ADAMTS16: variants seen among roughly 807,000 people sequenced by gnomAD.
ADAMTS16 encodes the protein ADAM metallopeptidase with thrombospondin type 1 motif 16, also known as A disintegrin and metalloproteinase with thrombospondin motifs 16.
Under a neutral mutation model 145.8 loss-of-function variants are expected in ADAMTS16, and 94 were observed. The ratio of observed to expected loss-of-function variants is 0.64; its 90% CI spans 0.55 to 0.77. The LOEUF is 0.77. Ranked by LOEUF, ADAMTS16 falls within the 30% of genes least tolerant of loss-of-function variation. The pLI is 0.00. For missense variants in ADAMTS16, 1,585 were observed against 1,591.5 expected (o/e 1.00, Z 0.07); for synonymous variants, 659 against 604.3 (o/e 1.09, Z -1.33).
intron 18 of ADAMTS16, among the ~76,000 whole-genome samples, chr5:5,300,803 C>T (rs1157449098): frequency 6.6e-6 from 1 of 152,152 alleles, no homozygotes; most frequent in African/African-American, 2.4e-5. Flanking sequence ...GTCACAGACT[C>T]CCTGGAGAAC....
In ADAMTS16 at chr5:5,187,678, G is replaced by C. The variant is rs758161459; in HGVS notation, c.964-47G>C. 4 of 1,354,006 alleles carry C rather than the reference G, an allele frequency of 3.0e-6. No homozygotes were observed. In the African/African-American group the frequency reaches 4.3e-5, roughly 15 times the overall value. 83.9% of individuals were successfully genotyped at this position (1,354,006 alleles called of 1,614,324 possible). ...TTCTAGGCCCGCTAGTAAGTAGGGG[G>C]GAAAATGCCATTTATGGGGCTGACA... is the stretch of plus-strand genomic sequence containing the variant. On this transcript the variant is annotated intron_variant, in intron 5 of 22. Transcript: ENST00000274181.
chr5:5,279,359 GCTA>G (rs1231011394), intron 18 of ADAMTS16, among the ~76,000 whole-genome samples: 2 of 152,184 alleles, frequency 1.3e-5, no homozygotes, highest in African/African-American at 2.4e-5. Context: ...ATCCACTGTG[GCTA>G]CTGAGAAGTC....
At chr5:5,210,948 G>A (rs780863906) in intron 10 of ADAMTS16, among the ~76,000 whole-genome samples, 31 of 152,072 alleles carry the variant, frequency 2.0e-4, no homozygotes, top group Non-Finnish European at 3.8e-4. Context: ...TCACTTGGTC[G>A]TAATCTATTG....
rs1314047324 is a variant in ADAMTS16, at chr5:5,234,970, G to A, written c.1851-44G>A. 4 of 1,460,140 alleles carry A rather than the reference G, an allele frequency of 2.7e-6. No homozygotes were observed. The African/African-American group carries it at 5.7e-5, about 21-fold the overall frequency. The allele number at this position is 1,460,140 out of a possible 1,614,324, so 90.4% of individuals were successfully genotyped here. A position where few individuals can be genotyped will look rare whatever the true frequency, so the allele number is the denominator to read the frequency against. On this transcript the variant is annotated intron_variant, in intron 12 of 22. Coordinates refer to ENST00000274181, the MANE Select transcript of ADAMTS16 (RefSeq NM_139056.4). The stretch of plus-strand genomic sequence containing the variant: ...AAGCCTAATTTTAAAGAATTTAGTA[G>A]CTACTAAAATATAAAAATTCTAACT...
chr5:5,240,826 T>A (rs938811185), intron 16 of ADAMTS16, among the ~76,000 whole-genome samples: 1 of 152,174 alleles, frequency 6.6e-6, no homozygotes, highest in African/African-American at 2.4e-5. Flanking sequence ...ATAAACAAAT[T>A]TATCTTGAAT....
intron 18 of ADAMTS16, among the ~76,000 whole-genome samples, chr5:5,281,615 C>T (rs565482435): frequency 1.3e-5 from 2 of 152,280 alleles, no homozygotes; most frequent in South Asian, 2.1e-4. Context: ...AGGTTATGCC[C>T]TGAGGACCAA....
chr5:5,306,794 TC>T (rs1740183139), intron 21 of ADAMTS16, 66 bp downstream of exon 21: 1 of 1,424,346 alleles, frequency 7.0e-7, no homozygotes, highest in Non-Finnish European at 9.4e-7. Flanking sequence ...GGCCGCTGGC[TC>T]CCGGGGATGC....
intron 21 of ADAMTS16, among the ~76,000 whole-genome samples, chr5:5,312,348 T>C (rs1216361523): frequency 6.6e-6 from 1 of 152,200 alleles, no homozygotes; most frequent in East Asian, 1.9e-4. Context: ...TTTGCAAGCA[T>C]GTCCTATTTT....
At position 5,253,563 on chromosome 5, in the gene ADAMTS16, C is replaced by A. The variant is rs371149542; in HGVS notation, c.2663-9094C>A. Among the ~76,000 whole-genome samples the A allele has an allele frequency of 9.8e-5, 15 of 152,302 alleles. No homozygotes were observed. The East Asian group carries it at 1.5e-3, about 16-fold the overall frequency. ...AAGCAGTTCCCAGCTTGACTTCTCC[C>A]TTTAGCTTAGTAATTTTGAGGTCCC... On this transcript the variant is annotated intron_variant, in intron 17 of 22. Transcript: ENST00000274181.
intron 18 of ADAMTS16, among the ~76,000 whole-genome samples, chr5:5,270,281 T>C (rs9313108): frequency 0.17 from 26,140 of 152,168 alleles, 2,572 homozygotes; most frequent in East Asian, 0.23. Context: ...CTGGAATTCT[T>C]TCTATGGAGT....
chr5:5,177,499 G>T (rs1164130122), intron 3 of ADAMTS16, among the ~76,000 whole-genome samples: 3 of 152,174 alleles, frequency 2.0e-5, no homozygotes, highest in Non-Finnish European at 4.4e-5. Flanking sequence ...AAATTTCTTG[G>T]AGAAAAAGGA....
chr5:5,264,781 G>GAGATGCAATC lies in ADAMTS16; in HGVS notation c.2789+2001_2789+2002insTGCAATCAGA, dbSNP rs148252859. On this transcript the variant is annotated intron_variant, in intron 18 of 22. Transcript: ENST00000274181. The stretch of plus-strand genomic sequence containing the variant: ...CACTCCCCACAATCTGCTATCAAGA[G>GAGATGCAATC]AGAATTTACACAAGAAATTAAGTGC... Among the ~76,000 whole-genome samples the GAGATGCAATC allele has an allele frequency of 2.6e-4, 39 of 151,932 alleles. 1 individual carries two copies. The highest frequency in any genetic ancestry group is 1.5e-5 in the Non-Finnish European group (1 of 67,944).
rs1304657976 is a variant in ADAMTS16 at position 5,186,191 on chromosome 5, G to A, written c.903G>A (p.Lys301=). The change falls in exon 5 of 23, where the codon AAG becomes AAA. Residue 301 remains lysine (K), a synonymous_variant. Transcript: ENST00000274181. ...AGACCTTGGTGGTGGTCGACAAAAA[G>A]ATGATGCAAAACCATGGCCATGAAA... ...NVETLVVVDK[K]MMQNHGHENI... 1.9e-6 allele frequency: 3 copies of A among 1,612,640 alleles called. No individual in the cohort carries two copies. Among genetic ancestry groups the A allele is most frequent in the Non-Finnish European group, 2.5e-6 (3 of 1,179,652 alleles).
chr5:5,171,318 G>A (rs1735036061), intron 3 of ADAMTS16, among the ~76,000 whole-genome samples: 2 of 152,112 alleles, frequency 1.3e-5, no homozygotes, highest in African/African-American at 4.8e-5. Context: ...TTGGATAACA[G>A]TGGTAAAAGT....
intron 9 of ADAMTS16, among the ~76,000 whole-genome samples, chr5:5,207,407 C>T (rs72724129): frequency 0.03 from 4,582 of 151,804 alleles, 177 homozygotes; most frequent in Admixed American, 0.1. Context: ...GCAACTTTGC[C>T]GTAACTTATT....
chr5:5,319,718 G>A lies in ADAMTS16; in HGVS notation c.*580G>A, dbSNP rs538753412. On this transcript the variant is annotated 3_prime_UTR_variant, in exon 23 of 23. Transcript: ENST00000274181. ...TTACCAGGAACCTGGAGCCACCGCCGGAGCCAGCGTCATCTCTAGGGTCAC... is the reference window on the plus strand; with the variant it reads ...TTACCAGGAACCTGGAGCCACCGCCAGAGCCAGCGTCATCTCTAGGGTCAC... The A allele has an allele frequency of 2.8e-6, 1 of 362,006 alleles. No individual in the cohort carries two copies. The highest frequency in any genetic ancestry group is 5.4e-6 in the Non-Finnish European group (1 of 186,126). 22.4% of individuals were successfully genotyped at this position (362,006 alleles called of 1,614,324 possible).
intron 18 of ADAMTS16, among the ~76,000 whole-genome samples, chr5:5,282,945 G>A (rs1413735653): frequency 6.6e-6 from 1 of 151,214 alleles, no homozygotes; most frequent in African/African-American, 2.4e-5. Context: ...ATTAATATCG[G>A]AAATAAAATT....
chr5:5,301,076 G>C (rs12110152), intron 18 of ADAMTS16, among the ~76,000 whole-genome samples: 112,377 of 152,098 alleles, frequency 0.74, 41,934 homozygotes, highest in South Asian at 0.82. Context: ...TTATTGTATT[G>C]TATTCTATTT....
intron 18 of ADAMTS16, among the ~76,000 whole-genome samples, chr5:5,274,639 T>C (rs1283306890): frequency 1.3e-5 from 2 of 152,064 alleles, no homozygotes; most frequent in Non-Finnish European, 2.9e-5. Flanking sequence ...AGTACATTTT[T>C]AGTATTTTAT....
Sources: gnomAD v4.1 joint callset for allele counts (sites outside exome capture counted in the v4.1 genomes callset) on GRCh38, gnomAD v4.1.1 for gene constraint, MANE v1.5 for transcripts, NCBI Gene and HGNC (gene_info 2026-07-23, HGNC 2026-07-21) for gene names.